SCN10A: variants seen among roughly 807,000 people sequenced by gnomAD.
SCN10A encodes the protein sodium voltage-gated channel alpha subunit 10, also known as sodium channel protein type 10 subunit alpha.
A neutral mutation model predicts 170.7 loss-of-function variants in SCN10A; 162 were observed. That is an observed-to-expected ratio of 0.95 (90% CI 0.84 to 1.08). The LOEUF is 1.08. Among genes scored for constraint, SCN10A ranks in the 50% least tolerant of loss-of-function variants. The probability of loss-of-function intolerance (pLI) is 0.00; values close to 1 mark genes in which losing one functional copy is unlikely to be tolerated. For synonymous variants in SCN10A, 985 were observed against 904.6 expected (o/e 1.09, Z -1.59); for missense variants, 2,527 against 2,436.9 (o/e 1.04, Z -0.78).
chr3:38,797,953 G>A (rs1451525109), intron 1 of SCN10A, among the ~76,000 whole-genome samples: 4 of 152,176 alleles, frequency 2.6e-5, no homozygotes, highest in African/African-American at 9.6e-5. Flanking sequence ...GTAGTGATGT[G>A]ATGTAGGTAT....
chr3:38,720,687 G>A (rs1207837250), intron 20 of SCN10A, among the ~76,000 whole-genome samples: 1 of 152,060 alleles, frequency 6.6e-6, no homozygotes, highest in Non-Finnish European at 1.5e-5. Flanking sequence ...GCTTCCTCCT[G>A]GGAATGTGGG....
At chr3:38,802,808 T>C (rs568969981) in intron 1 of SCN10A, among the ~76,000 whole-genome samples, 3 of 152,096 alleles carry the variant, frequency 2.0e-5, no homozygotes, top group African/African-American at 4.8e-5. Flanking sequence ...TGGGATCTAA[T>C]TAAACTAAAG....
intron 11 of SCN10A, 122 bp from the exon 12 acceptor site, chr3:38,752,634 T>A: frequency 1.4e-6 from 1 of 718,996 alleles, no homozygotes; most frequent in Non-Finnish European, 2.1e-6. Context: ...TTTCAGTCAC[T>A]AAGTAAAGGC....
At chr3:38,773,606 A>G (rs2064035882) in intron 4 of SCN10A, among the ~76,000 whole-genome samples, 1 of 152,232 alleles carries the variant, frequency 6.6e-6, no homozygotes. Flanking sequence ...AACTGAGCAA[A>G]CAAAAAAATA....
In SCN10A at chr3:38,709,460, C is replaced by T. The variant is rs1166416656; in HGVS notation, c.4281+18G>A. On this transcript the variant is annotated intron_variant, in intron 25 of 27. Coordinates refer to ENST00000449082, the MANE Select transcript of SCN10A (RefSeq NM_006514.4). The stretch of plus-strand genomic sequence containing the variant: ...TTACCACTACAGCAGAAACCAGAAA[C>T]TCCTGAGCACCACTTATCTTTTTTT... 1.3e-6 allele frequency: 2 copies of T among 1,595,990 alleles called. No individual in the cohort carries two copies. The highest frequency in any genetic ancestry group is 4.5e-5 in the East Asian group (2 of 44,750).
Position 38,719,367 on chromosome 3 carries a change from C to CT in SCN10A, c.3508-542dup, listed in dbSNP as rs555646896. On this transcript the variant is annotated intron_variant, in intron 20 of 27. Transcript: ENST00000449082. ...GCTGTGGCTGTGGGGGGCTGCCACT[C>CT]TTTTTTTTTTTTTTTTTTTTTTTTT... is the stretch of plus-strand genomic sequence containing the variant. Among the ~76,000 whole-genome samples, 49 of 69,098 alleles carry CT rather than the reference C, an allele frequency of 7.1e-4. 4 individuals are homozygous for CT. Among genetic ancestry groups the CT allele is most frequent in the South Asian group, 1.1e-3 (2 of 1,746 alleles). 45.3% of individuals were successfully genotyped at this position (69,098 alleles called of 152,430 possible). A position where few individuals can be genotyped will look rare whatever the true frequency, so the allele number is the denominator to read the frequency against.
intron 9 of SCN10A, 60 bp from the exon 10 acceptor site, chr3:38,756,931 A>G: frequency 6.2e-7 from 1 of 1,607,188 alleles, no homozygotes; most frequent in Non-Finnish European, 8.5e-7. Context: ...CCCTGAATTT[A>G]AGTCAGCCTC....
chr3:38,746,067 A>ATATATATGTGTG (rs1559439478), intron 13 of SCN10A, among the ~76,000 whole-genome samples: 2 of 70,982 alleles, frequency 2.8e-5, no homozygotes, highest in African/African-American at 1.2e-4. Flanking sequence ...GTATGTGTAT[A>ATATATATGTGTG]TATATATATA....
intron 26 of SCN10A, among the ~76,000 whole-genome samples, chr3:38,704,419 G>A (rs144060105): frequency 2.0e-5 from 3 of 152,338 alleles, no homozygotes; most frequent in African/African-American, 7.2e-5. Context: ...GCATCGTTAA[G>A]TGGCTGGGTG....
chr3:38,757,286 G>A lies in SCN10A; in HGVS notation c.951-127C>T, dbSNP rs556127297. 1,031 of 898,298 alleles carry A rather than the reference G, an allele frequency of 1.1e-3. 5 individuals carry two copies. Among genetic ancestry groups the A allele is most frequent in the Middle Eastern group, 9.1e-3 (30 of 3,310 alleles). The allele number at this position is 898,298 out of a possible 1,614,324, so 55.6% of individuals were successfully genotyped here. ...GACCTAGTCTTCCTCTTATTAGCAG[G>A]ATGATCTTGGACACTTGGTCTGTTT... is the stretch of plus-strand genomic sequence containing the variant. On this transcript the variant is annotated intron_variant, in intron 8 of 27. Coordinates refer to ENST00000449082, the MANE Select transcript of SCN10A (RefSeq NM_006514.4).
chr3:38,697,542 C>G lies in SCN10A; in HGVS notation c.5678G>C (p.Gly1893Ala). The G allele has an allele frequency of 6.2e-7, 1 of 1,614,112 alleles. No homozygotes were observed. The change falls in exon 28 of 28, where the codon GGT (glycine) becomes GCT (alanine). Residue 1893 changes from glycine (G) to alanine (A), a missense_variant. Transcript: ENST00000449082. The part of the protein sequence containing the change: ...EEEAASLPDE[G>A]FVAFTANENC... ...TTCATTTGCTGTGAATGCAACAAAACCTTCATCTGGGAGTGATGCAGCCTC... is the reference window on the plus strand; with the variant it reads ...TTCATTTGCTGTGAATGCAACAAAAGCTTCATCTGGGAGTGATGCAGCCTC...
At chr3:38,737,259 C>T (rs1442882404) in intron 15 of SCN10A, among the ~76,000 whole-genome samples, 3 of 152,012 alleles carry the variant, frequency 2.0e-5, no homozygotes, top group African/African-American at 7.2e-5. Context: ...CGTGAGCCAC[C>T]GCGCCCAGCC....
At chr3:38,813,521 A>T (rs2064453564) in intron 1 of SCN10A, among the ~76,000 whole-genome samples, 1 of 152,222 alleles carries the variant, frequency 6.6e-6, no homozygotes, top group South Asian at 2.1e-4. Context: ...TCGTCTTGTG[A>T]CATAGGTATT....
intron 5 of SCN10A, 35 bp from the exon 6 acceptor site, chr3:38,763,631 G>T: frequency 6.6e-7 from 1 of 1,517,834 alleles, no homozygotes; most frequent in Non-Finnish European, 9.2e-7. Flanking sequence ...ATCTCTGCAA[G>T]CAAGGGTCCT....
At chr3:38,722,981 G>T (rs2063410704) in intron 19 of SCN10A, among the ~76,000 whole-genome samples, 1 of 152,182 alleles carries the variant, frequency 6.6e-6, no homozygotes, top group African/African-American at 2.4e-5. Context: ...GTGCCTCACT[G>T]TTCTAAACAC....
rs191378981 is a variant in SCN10A, at chr3:38,716,628, T to A, written c.3681+2025A>T. 4.9e-4 allele frequency among the ~76,000 whole-genome samples: 75 copies of A among 152,236 alleles called. No homozygotes were observed. In the East Asian group the frequency reaches 0.013, roughly 27 times the overall value. On this transcript the variant is annotated intron_variant, in intron 21 of 27. Transcript: ENST00000449082. The stretch of plus-strand genomic sequence containing the variant: ...TACAAATATATACAATAAAATATAT[T>A]TTTTAAAATTTTAAAAGATAACAGA...
chr3:38,737,798 C>CTCTTTCTTTCTTTCTTTCTTTTTTCTT (rs2063583266), intron 15 of SCN10A, among the ~76,000 whole-genome samples: 1 of 93,608 alleles, frequency 1.1e-5, no homozygotes, highest in African/African-American at 5.1e-5. Context: ...CCCTCCCTTC[C>CTCTTTCTTTCTTTCTTTCTTTTTTCTT]TCTTTCTTTC....
chr3:38,741,741 C>A (rs141801022), intron 14 of SCN10A, among the ~76,000 whole-genome samples: 2 of 152,100 alleles, frequency 1.3e-5, no homozygotes, highest in South Asian at 4.1e-4. Context: ...AGAAAAGTTC[C>A]GACTTCCTGA....
In SCN10A at chr3:38,701,888, T is replaced by TA; in HGVS notation, c.4607_4608insT (p.Asn1537LysfsTer7). On this transcript the variant is annotated frameshift_variant, in exon 27 of 28. Transcript: ENST00000449082. LOFTEE classifies it high-confidence loss of function. ...TGAAGTCAAACACATTCCAGCCATT[T>TA]GTGAAGTAGTACTGCCTCAAAGCGA... 1 of 1,613,894 alleles carries TA rather than the reference T, an allele frequency of 6.2e-7. No individual in the cohort carries two copies. Among genetic ancestry groups the TA allele is most frequent in the Non-Finnish European group, 8.5e-7 (1 of 1,179,924 alleles).
Sources: allele counts gnomAD v4.1 joint callset (sites outside exome capture counted in the v4.1 genomes callset), GRCh38; gene constraint gnomAD v4.1.1; transcripts MANE v1.5; gene names NCBI Gene and HGNC (gene_info 2026-07-23, HGNC 2026-07-21).